The following NFIB variants were observed in gnomAD, a reference collection of about 807,000 sequenced individuals.
NFIB encodes the protein nuclear factor 1 B-type.
NFIB carries 11 observed loss-of-function variants against 61.5 expected under a neutral mutation model. The ratio of observed to expected loss-of-function variants is 0.18; its 90% confidence interval spans 0.11 to 0.30. The LOEUF (loss-of-function observed/expected upper bound fraction) is 0.30, where lower values mean the gene tolerates loss of function less well. Among genes scored for constraint, NFIB ranks in the 10% least tolerant of loss-of-function variants. NFIB has a pLI of 1.00. For synonymous variants in NFIB, 260 were observed against 216.5 expected (o/e 1.20, Z -1.76); for missense variants, 471 against 608.9 (o/e 0.77, Z 2.38).
chr9:14,431,414 T>C, the NFIB span, among the ~76,000 whole-genome samples: 4 of 152,136 alleles, frequency 2.6e-5, no homozygotes, highest in Non-Finnish European at 5.9e-5. Flanking sequence ...AATGGAAAAC[T>C]CACTCTAGAG....
chr9:14,178,313 T>C (rs908907899), intron 3 of NFIB, among the ~76,000 whole-genome samples: 1 of 152,138 alleles, frequency 6.6e-6, no homozygotes, highest in Non-Finnish European at 1.5e-5. Flanking sequence ...TTGACAAAAT[T>C]TATTATATTC....
At chr9:14,192,646 C>G (rs1472069979) in intron 2 of NFIB, among the ~76,000 whole-genome samples, 2 of 152,144 alleles carry the variant, frequency 1.3e-5, no homozygotes, top group Admixed American at 6.5e-5. Context: ...TGTCTCCAAA[C>G]AGTGGTGAGT....
chr9:14,337,712 T>C (rs1014494598), intron 1 of NFIB, among the ~76,000 whole-genome samples: 36 of 152,226 alleles, frequency 2.4e-4, no homozygotes, highest in African/African-American at 8.7e-4. Context: ...TTGATGTCAT[T>C]TTGAAGACCT....
At chr9:14,266,251 G>C (rs1294193966) in intron 2 of NFIB, among the ~76,000 whole-genome samples, 1 of 151,870 alleles carries the variant, frequency 6.6e-6, no homozygotes, top group Admixed American at 6.6e-5. Context: ...CTTTTTAATT[G>C]ACTACTAGCT....
the NFIB span, among the ~76,000 whole-genome samples, chr9:14,474,732 A>T: frequency 6.6e-6 from 1 of 152,174 alleles, no homozygotes; most frequent in Non-Finnish European, 1.5e-5. Context: ...AGACATTCCC[A>T]TTCCAAAAGG....
At chr9:14,466,360 A>G in the NFIB span, among the ~76,000 whole-genome samples, 7 of 152,270 alleles carry the variant, frequency 4.6e-5, no homozygotes, top group Admixed American at 4.6e-4. Context: ...GAGGCATGGA[A>G]AGACTGGGCT....
At chr9:14,158,053 G>A (rs1017574382) in intron 3 of NFIB, among the ~76,000 whole-genome samples, 2 of 150,216 alleles carry the variant, frequency 1.3e-5, no homozygotes, top group African/African-American at 2.5e-5. Flanking sequence ...AGAGGTTGTA[G>A]TGAGCCGAGA....
Position 14,307,780 on chromosome 9 carries a change from T to TAC in NFIB, c.31-262_31-261dup. 5.8e-6 allele frequency: 2 copies of TAC among 344,742 alleles called. No homozygotes were observed. The highest frequency in any genetic ancestry group is 1.1e-5 in the Non-Finnish European group (2 of 189,094). The allele number at this position is 344,742 out of a possible 1,614,324, so 21.4% of individuals were successfully genotyped here. A position where few individuals can be genotyped will look rare whatever the true frequency, so the allele number is the denominator to read the frequency against. ...AGGAAATAAGGTTTATATTTTGTAT[T>TAC]ACACTCTGGCCCCATCCCCCTTGTT... On this transcript the variant is annotated intron_variant, in intron 1 of 10. Transcript: ENST00000380953. The surrounding 1 kb of genome is among the most constrained non-coding windows in gnomAD (Gnocchi z 5.3).
chr9:14,090,074 C>T (rs1168412086), intron 10 of NFIB, among the ~76,000 whole-genome samples: 1 of 151,988 alleles, frequency 6.6e-6, no homozygotes, highest in East Asian at 1.9e-4. Context: ...CAAATCACAC[C>T]CAGCTATATA....
At chr9:14,355,972 TAAA>T (rs377112705) in intron 1 of NFIB, among the ~76,000 whole-genome samples, 8 of 97,254 alleles carry the variant, frequency 8.2e-5, no homozygotes, top group Admixed American at 1.1e-4. Flanking sequence ...AACAAACAAA[TAAA>T]AAAAAAAAAA....
chr9:14,405,221 C>A, the NFIB span, among the ~76,000 whole-genome samples: 1 of 152,202 alleles, frequency 6.6e-6, no homozygotes, highest in Non-Finnish European at 1.5e-5. Flanking sequence ...CAGCCTTCAT[C>A]AGCCTGAGTC....
chr9:14,450,640 C>T, the NFIB span, among the ~76,000 whole-genome samples: 4 of 152,084 alleles, frequency 2.6e-5, no homozygotes, highest in African/African-American at 9.7e-5. Flanking sequence ...TCAGATGTTA[C>T]AGCACCCCTC....
chr9:14,346,293 C>A lies in NFIB; in HGVS notation c.109-38773G>T, dbSNP rs944579993. Among the ~76,000 whole-genome samples, 3 of 136,392 alleles carry A rather than the reference C, an allele frequency of 2.2e-5. 1 individual carries two copies. The highest frequency in any genetic ancestry group is 5.0e-5 in the Non-Finnish European group (3 of 60,226). The allele number at this position is 136,392 out of a possible 152,430, so 89.5% of individuals were successfully genotyped here. A position where few individuals can be genotyped will look rare whatever the true frequency, so the allele number is the denominator to read the frequency against. Reference sequence around the variant, plus strand: ...GCAGTCACACGAGGTAACCGACACCCCCCCCCCGTAACCTGAGCTAAAGGT... The same window carrying A: ...GCAGTCACACGAGGTAACCGACACCACCCCCCCGTAACCTGAGCTAAAGGT... On this transcript the variant is annotated intron_variant, in intron 1 of 8. Transcript: ENST00000380934.
chr9:14,314,183 G>A, upstream of NFIB: 1 of 774,524 alleles, frequency 1.3e-6, no homozygotes, highest in Non-Finnish European at 1.6e-6. Context: ...CCGGGGTGGG[G>A]GCGGGGTGGG....
At chr9:14,323,635 A>AAAATC (rs1360955724) in intron 1 of NFIB, among the ~76,000 whole-genome samples, 10 of 152,220 alleles carry the variant, frequency 6.6e-5, no homozygotes, top group African/African-American at 2.4e-4. Flanking sequence ...TTATGTGATT[A>AAAATC]CCAGTGAGAC....
chr9:14,205,054 G>T, intron 2 of NFIB: 2 of 230,736 alleles, frequency 8.7e-6, no homozygotes, highest in Non-Finnish European at 1.8e-5. Flanking sequence ...AATGTACACT[G>T]TTGAGTTTTC....
chr9:14,232,140 C>T (rs997858698), intron 2 of NFIB, among the ~76,000 whole-genome samples: 2 of 151,990 alleles, frequency 1.3e-5, no homozygotes, highest in African/African-American at 2.4e-5. Context: ...AGGGAAGGAG[C>T]GACACCATGG....
chr9:14,143,247 TAA>T (rs2041946573), intron 6 of NFIB, among the ~76,000 whole-genome samples: 2 of 152,130 alleles, frequency 1.3e-5, no homozygotes, highest in Non-Finnish European at 2.9e-5. Flanking sequence ...ACTTTTTCAT[TAA>T]GTTACTAAAA....
intron 2 of NFIB, among the ~76,000 whole-genome samples, chr9:14,288,053 A>G (rs2058833230): frequency 6.6e-6 from 1 of 152,144 alleles, no homozygotes; most frequent in African/African-American, 2.4e-5. Context: ...AATATTTTTA[A>G]ATACAGTATA....
Sources: allele counts gnomAD v4.1 joint callset (sites outside exome capture counted in the v4.1 genomes callset), GRCh38; gene constraint gnomAD v4.1.1; non-coding constraint Gnocchi (gnomAD v3.1); transcripts MANE v1.5; gene names NCBI Gene and HGNC (gene_info 2026-07-23, HGNC 2026-07-21).